Variants in COG5 observed in about 807,000 individuals in gnomAD.
COG5 encodes the protein component of oligomeric golgi complex 5.
A neutral mutation model predicts 110.4 loss-of-function variants in COG5; 86 were observed. The observed-to-expected ratio is 0.78, with a 90% CI of 0.65 to 0.93. The LOEUF is 0.93. COG5 is among the 40% of genes least tolerant of loss of function. The pLI is 0.00. For missense variants in COG5, 1,077 were observed against 987.0 expected, an observed-to-expected ratio of 1.09 and a Z score of -1.22; for synonymous variants, 360 against 334.6, an observed-to-expected ratio of 1.08 and a Z score of -0.83.
intron 6 of COG5, among the ~76,000 whole-genome samples, chr7:107,522,290 G>C (rs1800383484): frequency 6.6e-6 from 1 of 152,188 alleles, no homozygotes; most frequent in African/African-American, 2.4e-5. Flanking sequence ...CCAACATGGA[G>C]AAGCCCTGTC....
chr7:107,365,484 T>C (rs1193159517), intron 8 of COG5, among the ~76,000 whole-genome samples: 5 of 150,952 alleles, frequency 3.3e-5, no homozygotes, highest in African/African-American at 7.3e-5. Context: ...AAGAAGTAAA[T>C]TGCTCTTAAA....
At chr7:107,501,226 ATAT>A (rs1798610738) in intron 6 of COG5, among the ~76,000 whole-genome samples, 1 of 152,064 alleles carries the variant, frequency 6.6e-6, no homozygotes, top group Non-Finnish European at 1.5e-5. Flanking sequence ...TTTCAAATTA[ATAT>A]TATTAGTAAT....
At chr7:107,249,158 G>C (rs1802287924) in intron 16 of COG5, among the ~76,000 whole-genome samples, 2 of 152,168 alleles carry the variant, frequency 1.3e-5, no homozygotes, top group South Asian at 2.1e-4. Context: ...CGCATTTCAT[G>C]AATTAGGTTT....
At chr7:107,402,726 A>G (rs951021908) in intron 7 of COG5, among the ~76,000 whole-genome samples, 1 of 152,234 alleles carries the variant, frequency 6.6e-6, no homozygotes, top group Non-Finnish European at 1.5e-5. Flanking sequence ...GGTGGATGGC[A>G]TATCTAGTCG....
At chr7:107,412,375 A>G in intron 7 of COG5, 127 bp downstream of exon 7, 1 of 832,530 alleles carries the variant, frequency 1.2e-6, no homozygotes, top group Non-Finnish European at 1.9e-6. Context: ...TTTGATTTAA[A>G]TTGTAGACAT....
intron 19 of COG5, among the ~76,000 whole-genome samples, chr7:107,217,889 G>T (rs1358278051): frequency 6.6e-6 from 1 of 151,912 alleles, no homozygotes; most frequent in Non-Finnish European, 1.5e-5. Context: ...GAGAAAGAAA[G>T]AAAAGGCACT....
chr7:107,286,500 T>C (rs538927389), intron 12 of COG5, among the ~76,000 whole-genome samples: 2 of 152,322 alleles, frequency 1.3e-5, no homozygotes, highest in Admixed American at 1.3e-4. Flanking sequence ...ATGTTCTCTG[T>C]ATCTGCTGCT....
intron 6 of COG5, among the ~76,000 whole-genome samples, chr7:107,504,186 G>C (rs912000628): frequency 2.0e-5 from 3 of 152,066 alleles, no homozygotes; most frequent in Admixed American, 2.0e-4. Flanking sequence ...TGCCTAGTTT[G>C]TTGAGGGTTT....
chr7:107,442,782 A>G (rs1311686359), intron 6 of COG5, among the ~76,000 whole-genome samples: 1 of 152,186 alleles, frequency 6.6e-6, no homozygotes, highest in Non-Finnish European at 1.5e-5. Flanking sequence ...CAGAGAATAC[A>G]AATACAAGAT....
At chr7:107,481,662 A>T (rs1489423123) in intron 6 of COG5, among the ~76,000 whole-genome samples, 1 of 152,172 alleles carries the variant, frequency 6.6e-6, no homozygotes, top group African/African-American at 2.4e-5. Context: ...GAAATATAAA[A>T]TATCAAATTT....
intron 6 of COG5, among the ~76,000 whole-genome samples, chr7:107,435,087 T>A (rs527625747): frequency 6.6e-6 from 1 of 152,164 alleles, no homozygotes; most frequent in East Asian, 1.9e-4. Context: ...TCTACTTTTA[T>A]GGGTTATCTA....
chr7:107,512,704 G>A (rs1055548823), intron 6 of COG5, among the ~76,000 whole-genome samples: 2 of 152,198 alleles, frequency 1.3e-5, no homozygotes. Flanking sequence ...CAGAGGTATA[G>A]ACCAATGGAA....
At chr7:107,299,826 CATAT>C (rs71856513) in intron 11 of COG5, among the ~76,000 whole-genome samples, 4,497 of 103,126 alleles carry the variant, frequency 0.044, 293 homozygotes, top group African/African-American at 0.13. Flanking sequence ...TCATAGTTGG[CATAT>C]ATATATATAT....
At chr7:107,251,650 T>C (rs1802514009) in intron 16 of COG5, among the ~76,000 whole-genome samples, 1 of 152,194 alleles carries the variant, frequency 6.6e-6, no homozygotes, top group East Asian at 1.9e-4. Flanking sequence ...CAAAGGAAAT[T>C]AGAAAAATAT....
At chr7:107,469,627 G>C (rs1291248559) in intron 6 of COG5, among the ~76,000 whole-genome samples, 1 of 152,030 alleles carries the variant, frequency 6.6e-6, no homozygotes, top group East Asian at 1.9e-4. Flanking sequence ...ATTCACTGTG[G>C]CTCACAGTAA....
intron 21 of COG5, among the ~76,000 whole-genome samples, chr7:107,206,640 T>C (rs899895100): frequency 1.5e-4 from 23 of 152,204 alleles, no homozygotes; most frequent in African/African-American, 5.6e-4. Context: ...AATCATTTCA[T>C]AGTGAATGGA....
intron 17 of COG5, among the ~76,000 whole-genome samples, chr7:107,243,372 G>C (rs1801798981): frequency 6.6e-6 from 1 of 152,026 alleles, no homozygotes; most frequent in African/African-American, 2.4e-5. Flanking sequence ...AATTAGCCGG[G>C]TGCGGTGGCG....
At chr7:107,251,384 C>T (rs7793594) in intron 16 of COG5, among the ~76,000 whole-genome samples, 23,729 of 152,000 alleles carry the variant, frequency 0.16, 2,314 homozygotes, top group Non-Finnish European at 0.22. Context: ...TTAATTTAAG[C>T]TCATCAGATT....
intron 19 of COG5, among the ~76,000 whole-genome samples, chr7:107,227,304 C>A (rs925353649): frequency 6.6e-6 from 1 of 151,952 alleles, no homozygotes; most frequent in Non-Finnish European, 1.5e-5. Context: ...TGAGTGTGTT[C>A]ATGTGTTTGC....
Sources: gnomAD v4.1 joint callset for allele counts (sites outside exome capture counted in the v4.1 genomes callset) on GRCh38, gnomAD v4.1.1 for gene constraint, MANE v1.5 for transcripts, NCBI Gene and HGNC (gene_info 2026-07-23, HGNC 2026-07-21) for gene names.